ASCC3: variants seen among roughly 807,000 people sequenced by gnomAD.
ASCC3 encodes ASC-1 complex subunit P200.
ASCC3 carries 158 observed loss-of-function variants against 256.3 expected under a neutral mutation model. The observed-to-expected ratio is 0.62, with a 90% CI of 0.54 to 0.70. The LOEUF is 0.70. ASCC3 is among the 30% of genes least tolerant of loss of function. ASCC3 has a pLI of 0.00. For missense variants in ASCC3, 2,259 were observed against 2,626.0 expected (o/e 0.86, Z 3.05); for synonymous variants, 948 against 883.4 (o/e 1.07, Z -1.30).
intron 13 of ASCC3, among the ~76,000 whole-genome samples, chr6:100,707,041 T>G (rs1249488261): frequency 6.6e-6 from 1 of 152,120 alleles, no homozygotes; most frequent in Non-Finnish European, 1.5e-5. Flanking sequence ...GCGTTTCATA[T>G]TTCTATCATC....
intron 36 of ASCC3, among the ~76,000 whole-genome samples, chr6:100,583,200 T>C (rs1453686527): frequency 6.6e-6 from 1 of 152,238 alleles, no homozygotes; most frequent in Non-Finnish European, 1.5e-5. Context: ...AATTCGGCTG[T>C]GAATCCATCT....
chr6:100,582,801 T>C (rs1279668004), intron 36 of ASCC3, among the ~76,000 whole-genome samples: 1 of 152,216 alleles, frequency 6.6e-6, no homozygotes, highest in Non-Finnish European at 1.5e-5. Flanking sequence ...CATGAAGGGT[T>C]GTTGAATTTT....
intron 34 of ASCC3, among the ~76,000 whole-genome samples, chr6:100,598,513 TAA>T (rs1357798458): frequency 4.6e-5 from 7 of 152,316 alleles, no homozygotes; most frequent in Non-Finnish European, 1.0e-4. Flanking sequence ...TCTACTGTGA[TAA>T]GTCTCCCCAA....
intron 13 of ASCC3, among the ~76,000 whole-genome samples, chr6:100,692,335 G>A (rs867117957): frequency 2.6e-5 from 4 of 151,898 alleles, no homozygotes; most frequent in East Asian, 3.9e-4. Context: ...AAAAGTATAC[G>A]TTCAAGCAAG....
At chr6:100,532,404 A>T (rs12201985) in intron 37 of ASCC3, among the ~76,000 whole-genome samples, 123 of 47,932 alleles carry the variant, frequency 2.6e-3, no homozygotes, top group African/African-American at 7.6e-3. Context: ...ATATATATAT[A>T]TATTTTTTTT....
intron 11 of ASCC3, among the ~76,000 whole-genome samples, chr6:100,720,146 A>T (rs1301899839): frequency 6.6e-6 from 1 of 151,994 alleles, no homozygotes; most frequent in Admixed American, 6.6e-5. Context: ...AATAAAAATA[A>T]CTATGAGCAC....
intron 17 of ASCC3, among the ~76,000 whole-genome samples, chr6:100,653,979 A>G (rs1476793624): frequency 6.6e-6 from 1 of 152,056 alleles, no homozygotes; most frequent in East Asian, 1.9e-4. Flanking sequence ...CACTACTACC[A>G]TTTGTTCTAA....
At chr6:100,625,987 T>C (rs904676219) in intron 29 of ASCC3, among the ~76,000 whole-genome samples, 1 of 151,882 alleles carries the variant, frequency 6.6e-6, no homozygotes, top group Non-Finnish European at 1.5e-5. Flanking sequence ...TGAATGAGTA[T>C]CTGAGTAATG....
At chr6:100,573,352 AAGG>A (rs1373534332) in intron 36 of ASCC3, among the ~76,000 whole-genome samples, 1 of 152,098 alleles carries the variant, frequency 6.6e-6, no homozygotes, top group African/African-American at 2.4e-5. Context: ...TTCATGGAGG[AAGG>A]AGGTCATAGT....
At chr6:100,633,477 T>G (rs909706496) in intron 25 of ASCC3, among the ~76,000 whole-genome samples, 2 of 151,982 alleles carry the variant, frequency 1.3e-5, no homozygotes, top group African/African-American at 4.8e-5. Flanking sequence ...AGTTCTTGAC[T>G]TAATAAAAGA....
At chr6:100,852,354 C>T (rs904974317) in intron 3 of ASCC3, among the ~76,000 whole-genome samples, 1 of 152,138 alleles carries the variant, frequency 6.6e-6, no homozygotes, top group Admixed American at 6.6e-5. Context: ...GGAGATGGAA[C>T]GGCTTTGGAC....
At chr6:100,807,846 G>A (rs902811980) in intron 4 of ASCC3, among the ~76,000 whole-genome samples, 1 of 151,800 alleles carries the variant, frequency 6.6e-6, no homozygotes, top group African/African-American at 2.4e-5. Flanking sequence ...TAAATGTTAT[G>A]TATAAAAGTA....
At chr6:100,577,090 A>G (rs1203991196) in intron 36 of ASCC3, among the ~76,000 whole-genome samples, 1 of 151,826 alleles carries the variant, frequency 6.6e-6, no homozygotes, top group Non-Finnish European at 1.5e-5. Context: ...CCAGAGCTCC[A>G]ACAGAAAAAA....
intron 37 of ASCC3, among the ~76,000 whole-genome samples, chr6:100,533,135 A>C (rs1461008256): frequency 6.6e-6 from 1 of 151,922 alleles, no homozygotes; most frequent in Admixed American, 6.6e-5. Flanking sequence ...TTTCAATATA[A>C]AGTGTTTTCT....
chr6:100,574,587 C>T (rs888739606), intron 36 of ASCC3, among the ~76,000 whole-genome samples: 1 of 151,664 alleles, frequency 6.6e-6, no homozygotes, highest in Non-Finnish European at 1.5e-5. Context: ...AAACTCATTC[C>T]TAAATCTAAA....
At chr6:100,745,717 C>A (rs941838536) in intron 10 of ASCC3, among the ~76,000 whole-genome samples, 2 of 152,048 alleles carry the variant, frequency 1.3e-5, no homozygotes, top group African/African-American at 2.4e-5. Context: ...ACGCTAATTG[C>A]AAATGAGGAA....
chr6:100,655,724 T>C lies in ASCC3; in HGVS notation c.2798A>G (p.Tyr933Cys). The C allele has an allele frequency of 1.2e-6, 2 of 1,611,538 alleles. No individual in the cohort carries two copies. Among genetic ancestry groups the C allele is most frequent in the Non-Finnish European group, 1.7e-6 (2 of 1,179,010 alleles). Residue 933 changes from tyrosine (Y) to cysteine (C), a missense_variant, in exon 17 of 42, where the codon TAT becomes TGT. By Grantham distance (194) the Tyr-to-Cys change is radical. This residue lies in a region of ASCC3 where 1,839 missense variants were observed against 2,206.7 expected (regional missense o/e 0.83). Coordinates refer to ENST00000369162, the MANE Select transcript of ASCC3 (RefSeq NM_006828.4). ...CTGATAAGCCTTGTGACTGATGCCA[T>C]ATGCTAATGGATTTGCTCTCATCCG... ...YVRMRANPLA[Y>C]GISHKAYQID...
At chr6:100,554,558 T>C (rs1202007142) in intron 36 of ASCC3, among the ~76,000 whole-genome samples, 1 of 152,172 alleles carries the variant, frequency 6.6e-6, no homozygotes, top group Non-Finnish European at 1.5e-5. Context: ...CTTATAAAGT[T>C]AATGAGTTCT....
At chr6:100,547,334 A>C (rs2114677295) in intron 36 of ASCC3, among the ~76,000 whole-genome samples, 1 of 152,172 alleles carries the variant, frequency 6.6e-6, no homozygotes, top group Middle Eastern at 3.4e-3. Flanking sequence ...TTGATGGGAC[A>C]GTTAAAACAT....
Sources: allele counts gnomAD v4.1 joint callset (sites outside exome capture counted in the v4.1 genomes callset), GRCh38; gene constraint gnomAD v4.1.1; regional missense constraint gnomAD v4.1.1; transcripts MANE v1.5; gene names NCBI Gene and HGNC (gene_info 2026-07-23, HGNC 2026-07-21).